The following CD1D variants were observed in gnomAD, a reference collection of about 807,000 sequenced individuals.
The protein encoded by CD1D is antigen-presenting glycoprotein CD1d.
Under a neutral mutation model 42.1 loss-of-function variants are expected in CD1D, and 40 were observed. The observed-to-expected ratio is 0.95, with a 90% CI of 0.74 to 1.24. The LOEUF (loss-of-function observed/expected upper bound fraction) is 1.24. Ranked by LOEUF, CD1D falls within the 50% of genes most tolerant of loss-of-function variation. The pLI is 0.00. For missense variants in CD1D, 437 were observed against 416.5 expected, an observed-to-expected ratio of 1.05 and a Z score of -0.43; for synonymous variants, 178 against 171.8, an observed-to-expected ratio of 1.04 and a Z score of -0.28.
intron 3 of CD1D, 75 bp downstream of exon 3, chr1:158,182,385 C>T (rs1350929273): frequency 6.5e-7 from 1 of 1,532,206 alleles, no homozygotes. Flanking sequence ...GGGTTCTCAT[C>T]CCTTTGAGCA....
Position 158,184,929 on chromosome 1 carries a change from T to C in CD1D, c.*779T>C, listed in dbSNP as rs1438308571. The C allele has an allele frequency of 6.6e-6, 1 of 152,234 alleles. No homozygotes were observed. The highest frequency in any genetic ancestry group is 1.5e-5 in the Non-Finnish European group (1 of 68,044). The allele number at this position is 152,234 out of a possible 1,614,324, so 9.4% of individuals were successfully genotyped here. ...TGTATTATGTTGAAAAAAACTACTC[T>C]GAGTAAGGATATTTCTCTCAAATGG... On this transcript the variant is annotated 3_prime_UTR_variant, in exon 6 of 6. Transcript: ENST00000674085.
chr1:158,179,014 C>CCACA (rs3065146), upstream of CD1D, among the ~76,000 whole-genome samples: 25 of 151,222 alleles, frequency 1.7e-4, no homozygotes, highest in African/African-American at 5.3e-4. Context: ...AACAAAAAAA[C>CCACA]CACACACACA....
intron 3 of CD1D, 89 bp downstream of exon 3, chr1:158,182,399 A>G (rs749778120): frequency 1.4e-6 from 2 of 1,463,870 alleles, no homozygotes; most frequent in Admixed American, 3.4e-5. Flanking sequence ...TTGAGCATTC[A>G]AAGAAGAGGA....
Position 158,183,162 on chromosome 1 carries a change from A to G in CD1D, c.886+6A>G, listed in dbSNP as rs772041419. ...GGACATCGTCCTCTACTGGGGTGAG[A>G]AAAAGCTGGGCCCAAGCTGGAAATG... On this transcript the variant is annotated splice_donor_region_variant and intron_variant, in intron 4 of 5. Coordinates refer to ENST00000674085, the MANE Select transcript of CD1D (RefSeq NM_001371762.2). 3 of 1,586,968 alleles carry G rather than the reference A, an allele frequency of 1.9e-6. No individual in the cohort carries two copies. The South Asian group carries it at 3.4e-5, about 18-fold the overall frequency.
Position 158,182,996 on chromosome 1 carries a change from G to T in CD1D, c.726G>T (p.Glu242Asp), listed in dbSNP as rs149772303. The T allele has an allele frequency of 1.1e-4, 171 of 1,614,222 alleles. No individual in the cohort carries two copies. In the African/African-American group the frequency reaches 2.2e-3, roughly 20 times the overall value. The stretch of plus-strand genomic sequence containing the variant: ...TATGGGTGAAGTGGATGCGGGGTGA[G>T]CAGGAGCAGCAGGGCACTCAGCCAG... ...KPVWVKWMRGEQEQQGTQPGD... is the reference protein window; with the variant it reads ...KPVWVKWMRGDQEQQGTQPGD... The change falls in exon 4 of 6, where the codon GAG becomes GAT. Residue 242 changes from glutamate to aspartate, a missense_variant. Physicochemically the swap from Glu to Asp is conservative, Grantham distance 45 (BLOSUM62 2). Transcript: ENST00000674085.
chr1:158,178,548 T>A (rs1312955312), upstream of CD1D, among the ~76,000 whole-genome samples: 1 of 152,124 alleles, frequency 6.6e-6, no homozygotes, highest in African/African-American at 2.4e-5. Context: ...ACCAAGTAAG[T>A]CCCTTATGAT....
intron 3 of CD1D, 97 bp from the exon 4 acceptor site, chr1:158,182,781 A>G (rs1648506088): frequency 3.6e-6 from 5 of 1,384,326 alleles, no homozygotes; most frequent in African/African-American, 2.9e-5. Flanking sequence ...AAGGAGGGAA[A>G]TAAAGACCTG....
In CD1D at chr1:158,184,456, A is replaced by G. The variant is rs2101583782; in HGVS notation, c.*306A>G. The G allele has an allele frequency of 2.2e-6, 1 of 457,974 alleles. No individual in the cohort carries two copies. Among genetic ancestry groups the G allele is most frequent in the Admixed American group, 3.8e-5 (1 of 26,664 alleles). 28.4% of individuals were successfully genotyped at this position (457,974 alleles called of 1,614,324 possible). A position where few individuals can be genotyped will look rare whatever the true frequency, so the allele number is the denominator to read the frequency against. On this transcript the variant is annotated 3_prime_UTR_variant, in exon 6 of 6. Coordinates refer to ENST00000674085, the MANE Select transcript of CD1D (RefSeq NM_001371762.2). ...GACCTACCAGGGACAAGCAGGTAAG[A>G]GCTGATGTGAGTGTGTGTGATGGGA... is the stretch of plus-strand genomic sequence containing the variant.
In CD1D at chr1:158,181,285, GGT is replaced by G. The variant is rs562756810; in HGVS notation, c.61+124_61+125del. 3.1e-4 allele frequency: 449 copies of G among 1,429,712 alleles called. No individual in the cohort carries two copies. In the African/African-American group the frequency reaches 5.8e-3, roughly 19 times the overall value. 88.6% of individuals were successfully genotyped at this position (1,429,712 alleles called of 1,614,324 possible). ...ACCCGGGACGCACTGGCGCGATCTA[GGT>G]AGAAAACTCGCTGCTCCCTGGCTCC... On this transcript the variant is annotated intron_variant, in intron 1 of 5. Coordinates refer to ENST00000674085, the MANE Select transcript of CD1D (RefSeq NM_001371762.2).
intron 1 of CD1D, 115 bp from the exon 2 acceptor site, chr1:158,181,340 G>C (rs929368847): frequency 1.4e-6 from 2 of 1,479,656 alleles, no homozygotes; most frequent in Non-Finnish European, 1.9e-6. Context: ...CACAGAGTTC[G>C]CTGGCATCAG....
At chr1:158,181,259 G>C (rs1571062767) in intron 1 of CD1D, 97 bp downstream of exon 1, 2 of 1,460,972 alleles carry the variant, frequency 1.4e-6, no homozygotes, top group Non-Finnish European at 9.4e-7. Flanking sequence ...GGACTGGTGA[G>C]ACCCGGGACG....
Position 158,185,195 on chromosome 1 carries a change from C to G in CD1D, c.*1045C>G, listed in dbSNP as rs1352894066. Among the ~76,000 whole-genome samples, 3 of 152,198 alleles carry G rather than the reference C, an allele frequency of 2.0e-5. No individual in the cohort carries two copies. The highest frequency in any genetic ancestry group is 2.0e-4 in the Admixed American group (3 of 15,284). ...AAACTTACAGGGGTAGCAGACCTTT[C>G]TGATGCCAAAGAAATAAGGAGGCCA... is the stretch of plus-strand genomic sequence containing the variant. On this transcript the variant is annotated 3_prime_UTR_variant, in exon 6 of 6. Coordinates refer to ENST00000674085, the MANE Select transcript of CD1D (RefSeq NM_001371762.2).
chr1:158,184,291 C>A lies in CD1D; in HGVS notation c.*141C>A. On this transcript the variant is annotated 3_prime_UTR_variant, in exon 6 of 6. Transcript: ENST00000674085. ...ATACCTTGAAAAAGTAGAGAACAGT[C>A]ATGAGGCAGCTTTCATCACACCCTT... is the stretch of plus-strand genomic sequence containing the variant. 1 of 789,948 alleles carries A rather than the reference C, an allele frequency of 1.3e-6. No homozygotes were observed. Among genetic ancestry groups the A allele is most frequent in the South Asian group, 1.6e-5 (1 of 62,208 alleles). 48.9% of individuals were successfully genotyped at this position (789,948 alleles called of 1,614,324 possible).
Position 158,184,244 on chromosome 1 carries a change from T to G in CD1D, c.*94T>G, listed in dbSNP as rs896338098. 9.1e-6 allele frequency: 12 copies of G among 1,321,224 alleles called. No homozygotes were observed. The Admixed American group carries it at 2.1e-4, about 23-fold the overall frequency. The allele number at this position is 1,321,224 out of a possible 1,614,324, so 81.8% of individuals were successfully genotyped here. On this transcript the variant is annotated 3_prime_UTR_variant, in exon 6 of 6. Coordinates refer to ENST00000674085, the MANE Select transcript of CD1D (RefSeq NM_001371762.2). The stretch of plus-strand genomic sequence containing the variant: ...CTGGTCTGCTCAGGAATTGAAGATG[T>G]AAGGAATTGAAGATAGGAGAGATAC...
chr1:158,182,421 G>C (rs759174964), intron 3 of CD1D, 111 bp downstream of exon 3: 2 of 1,241,162 alleles, frequency 1.6e-6, no homozygotes, highest in African/African-American at 3.0e-5. Context: ...GGCCCAGGAG[G>C]GGCTGGATAA....
At position 158,181,122 on chromosome 1, in the gene CD1D, G is replaced by T; in HGVS notation, c.21G>T (p.Leu7=). The change falls in exon 1 of 6, where the codon CTG becomes CTT. Residue 7 remains leucine (L), a synonymous_variant. Transcript: ENST00000674085. ...GCGATATGGGGTGCCTGCTGTTTCT[G>T]CTGCTCTGGGCGCTCCTCCAGGCTT... The part of the protein sequence containing the change: MGCLLF[L]LLWALLQAWG... The T allele has an allele frequency of 6.5e-7, 1 of 1,548,550 alleles. No individual in the cohort carries two copies. Among genetic ancestry groups the T allele is most frequent in the Non-Finnish European group, 8.7e-7 (1 of 1,146,272 alleles).
In CD1D at chr1:158,184,731, G is replaced by A. The variant is rs1571070071; in HGVS notation, c.*581G>A. On this transcript the variant is annotated 3_prime_UTR_variant, in exon 6 of 6. Coordinates refer to ENST00000674085, the MANE Select transcript of CD1D (RefSeq NM_001371762.2). ...GGAGTTTGTGTGTCTTTTATAAAAAGTTTGCCCTGGATGTCATATTGGCAG... is the reference window on the plus strand; with the variant it reads ...GGAGTTTGTGTGTCTTTTATAAAAAATTTGCCCTGGATGTCATATTGGCAG... 1.3e-5 allele frequency: 2 copies of A among 152,386 alleles called. No homozygotes were observed. The highest frequency in any genetic ancestry group is 4.8e-5 in the African/African-American group (2 of 41,540). 9.4% of individuals were successfully genotyped at this position (152,386 alleles called of 1,614,324 possible).
chr1:158,184,232 G>C lies in CD1D; in HGVS notation c.*82G>C. 2.1e-6 allele frequency: 3 copies of C among 1,402,282 alleles called. No homozygotes were observed. The highest frequency in any genetic ancestry group is 2.3e-5 in the South Asian group (2 of 85,138). The allele number at this position is 1,402,282 out of a possible 1,614,324, so 86.9% of individuals were successfully genotyped here. On this transcript the variant is annotated 3_prime_UTR_variant, in exon 6 of 6. Coordinates refer to ENST00000674085, the MANE Select transcript of CD1D (RefSeq NM_001371762.2). ...AAGACTTCAGTCCTGGTCTGCTCAG[G>C]AATTGAAGATGTAAGGAATTGAAGA...
chr1:158,179,735 G>A (rs1648306077), upstream of CD1D, among the ~76,000 whole-genome samples: 1 of 152,174 alleles, frequency 6.6e-6, no homozygotes, highest in African/African-American at 2.4e-5. Flanking sequence ...GGCATTGGGA[G>A]GGGGTGAGGT....
Sources: gnomAD v4.1 joint callset for allele counts (sites outside exome capture counted in the v4.1 genomes callset) on GRCh38, gnomAD v4.1.1 for gene constraint, MANE v1.5 for transcripts, NCBI Gene and HGNC (gene_info 2026-07-23, HGNC 2026-07-21) for gene names.